Variants in ADAM19 observed in about 807,000 individuals in gnomAD.
The protein encoded by ADAM19 is ADAM metallopeptidase domain 19.
In ADAM19, 65 loss-of-function variants were observed where a neutral mutation model predicts 114.7. The observed-to-expected ratio is 0.57, with a 90% CI of 0.46 to 0.70. ADAM19 has a LOEUF of 0.70. ADAM19 is among the 30% of genes least tolerant of loss of function. The probability of loss-of-function intolerance (pLI) is 0.00; values close to 1 mark genes in which losing one functional copy is unlikely to be tolerated. For synonymous variants in ADAM19, 466 were observed against 460.5 expected, an observed-to-expected ratio of 1.01 and a Z score of -0.15; for missense variants, 1,063 against 1,204.7, an observed-to-expected ratio of 0.88 and a Z score of 1.74.
At chr5:157,506,923 C>T in intron 10 of ADAM19, 133 bp downstream of exon 10, 1 of 731,230 alleles carries the variant, frequency 1.4e-6, no homozygotes, top group Non-Finnish European at 2.3e-6. Context: ...TCATTTTAAA[C>T]AATTGCCCTT....
intron 21 of ADAM19, among the ~76,000 whole-genome samples, chr5:157,483,565 A>C (rs1754830918): frequency 6.6e-6 from 1 of 152,102 alleles, no homozygotes; most frequent in African/African-American, 2.4e-5. Context: ...GAAAAAAGGA[A>C]GGATACAGAC....
chr5:157,526,608 TC>T (rs1404795200), intron 5 of ADAM19, among the ~76,000 whole-genome samples: 1 of 148,336 alleles, frequency 6.7e-6, no homozygotes, highest in African/African-American at 2.5e-5. Context: ...GGATGCCACA[TC>T]TTTTTATTGG....
Position 157,482,031 on chromosome 5 carries a change from A to G in ADAM19, c.2551-88T>C, listed in dbSNP as rs1754770107. The G allele has an allele frequency of 3.6e-6, 4 of 1,111,172 alleles. No individual in the cohort carries two copies. The South Asian group carries it at 6.6e-5, about 18-fold the overall frequency. 68.8% of individuals were successfully genotyped at this position (1,111,172 alleles called of 1,614,324 possible). A position where few individuals can be genotyped will look rare whatever the true frequency, so the allele number is the denominator to read the frequency against. ...GATATCTTACAGGTTAAAATCAGAT[A>G]GATAAAAGTTATATACTGTATGGTC... On this transcript the variant is annotated intron_variant, in intron 21 of 22. Transcript: ENST00000257527.
chr5:157,565,703 T>A (rs1757639503), intron 2 of ADAM19, among the ~76,000 whole-genome samples: 1 of 139,860 alleles, frequency 7.2e-6, no homozygotes, highest in South Asian at 2.3e-4. Flanking sequence ...AGCGAGACAC[T>A]CTCTCTCAAA....
chr5:157,537,421 A>G (rs1168461701), intron 4 of ADAM19, among the ~76,000 whole-genome samples: 1 of 152,272 alleles, frequency 6.6e-6, no homozygotes, highest in Non-Finnish European at 1.5e-5. Flanking sequence ...TCCAATATGA[A>G]TATAGAAGCA....
chr5:157,572,661 C>A (rs558743447), intron 1 of ADAM19, among the ~76,000 whole-genome samples: 1 of 152,282 alleles, frequency 6.6e-6, no homozygotes, highest in East Asian at 1.9e-4. Flanking sequence ...AGAAACAATG[C>A]ATTCATATAT....
chr5:157,479,317 A>AGGCC lies in ADAM19; in HGVS notation c.*1628_*1631dup, dbSNP rs537525137. 1.3e-4 allele frequency: 124 copies of AGGCC among 985,958 alleles called. No homozygotes were observed. The African/African-American group carries it at 2.0e-3, about 16-fold the overall frequency. The allele number at this position is 985,958 out of a possible 1,614,324, so 61.1% of individuals were successfully genotyped here. On this transcript the variant is annotated 3_prime_UTR_variant, in exon 23 of 23. Transcript: ENST00000257527. Reference sequence around the variant, plus strand: ...CTATTGTGTGCAGAGAACTATAAGGAGGCCCTGGGGTGGTGAATCAGAAGC... The same window carrying AGGCC: ...CTATTGTGTGCAGAGAACTATAAGGAGGCCGGCCCTGGGGTGGTGAATCAGAAGC...
chr5:157,494,657 A>T (rs1346450275), intron 15 of ADAM19, 30 bp downstream of exon 15: 1 of 1,595,514 alleles, frequency 6.3e-7, no homozygotes. Context: ...GTTCATCCTC[A>T]TTTCATGAGG....
chr5:157,510,346 T>C (rs1188333631), intron 8 of ADAM19, among the ~76,000 whole-genome samples: 2 of 152,290 alleles, frequency 1.3e-5, no homozygotes, highest in South Asian at 2.1e-4. Flanking sequence ...TGGTGGCGCA[T>C]GCCTGTAATC....
chr5:157,522,889 C>T (rs1483431665), intron 5 of ADAM19, among the ~76,000 whole-genome samples: 1 of 152,182 alleles, frequency 6.6e-6, no homozygotes, highest in Non-Finnish European at 1.5e-5. Flanking sequence ...GGGTGATTGG[C>T]CTCACCTCAG....
chr5:157,550,746 C>T (rs893990628), intron 3 of ADAM19, among the ~76,000 whole-genome samples: 1 of 150,650 alleles, frequency 6.6e-6, no homozygotes, highest in African/African-American at 2.4e-5. Context: ...GCTCAATAAT[C>T]AACTCAATGG....
At position 157,518,906 on chromosome 5, in the gene ADAM19, A is replaced by G. The variant is rs1275168333; in HGVS notation, c.601-18T>C. 2 of 1,610,134 alleles carry G rather than the reference A, an allele frequency of 1.2e-6. No individual in the cohort carries two copies. Among genetic ancestry groups the G allele is most frequent in the Non-Finnish European group, 1.7e-6 (2 of 1,176,368 alleles). On this transcript the variant is annotated intron_variant, in intron 6 of 22. Coordinates refer to ENST00000257527, the MANE Select transcript of ADAM19 (RefSeq NM_033274.5). The stretch of plus-strand genomic sequence containing the variant: ...CTTTTCATCTAAGAAAGAGAAACAG[A>G]TCAGCGCTGTAGAAATAGTGGACTT...
intron 4 of ADAM19, among the ~76,000 whole-genome samples, chr5:157,534,722 C>G (rs1178006035): frequency 6.6e-6 from 1 of 152,158 alleles, no homozygotes; most frequent in Non-Finnish European, 1.5e-5. Flanking sequence ...CAGATTTTTC[C>G]TTGTGATTCT....
intron 21 of ADAM19, among the ~76,000 whole-genome samples, chr5:157,486,794 TA>T (rs370243640): frequency 0.013 from 1,894 of 146,808 alleles, 42 homozygotes; most frequent in African/African-American, 0.038. Flanking sequence ...ACTCATCATT[TA>T]AAAAAAAAAA....
At chr5:157,564,800 G>A (rs1417182566) in intron 2 of ADAM19, among the ~76,000 whole-genome samples, 1 of 152,192 alleles carries the variant, frequency 6.6e-6, no homozygotes, top group African/African-American at 2.4e-5. Context: ...GCTGTGTGAA[G>A]TCGGACATGT....
chr5:157,500,892 C>T (rs983997706), intron 12 of ADAM19, among the ~76,000 whole-genome samples: 34 of 152,224 alleles, frequency 2.2e-4, no homozygotes, highest in Admixed American at 1.3e-4. Context: ...CTCTCCACCA[C>T]AGCCTTATGA....
chr5:157,480,190 A>G lies in ADAM19; in HGVS notation c.*759T>C. 3 of 986,162 alleles carry G rather than the reference A, an allele frequency of 3.0e-6. No individual in the cohort carries two copies. The highest frequency in any genetic ancestry group is 2.4e-6 in the Non-Finnish European group (2 of 830,086). The allele number at this position is 986,162 out of a possible 1,614,324, so 61.1% of individuals were successfully genotyped here. On this transcript the variant is annotated 3_prime_UTR_variant, in exon 23 of 23. Coordinates refer to ENST00000257527, the MANE Select transcript of ADAM19 (RefSeq NM_033274.5). ...GCACCAGGAAAGTGCGGCAGAGAAA[A>G]CAAAGAGCAACTAAAAATTATCCAG... is the stretch of plus-strand genomic sequence containing the variant.
intron 2 of ADAM19, among the ~76,000 whole-genome samples, chr5:157,569,776 T>C (rs1038849667): frequency 7.9e-5 from 12 of 152,196 alleles, no homozygotes; most frequent in Non-Finnish European, 1.3e-4. Context: ...AAATCACAAA[T>C]CATTTTAACC....
chr5:157,503,187 T>G (rs1581307049), intron 11 of ADAM19, among the ~76,000 whole-genome samples: 2 of 152,320 alleles, frequency 1.3e-5, no homozygotes, highest in East Asian at 1.9e-4. Context: ...TTCGTGTCCT[T>G]AGTAGGGACA....
Sources: gnomAD v4.1 joint callset for allele counts (sites outside exome capture counted in the v4.1 genomes callset) on GRCh38, gnomAD v4.1.1 for gene constraint, MANE v1.5 for transcripts, NCBI Gene and HGNC (gene_info 2026-07-23, HGNC 2026-07-21) for gene names.